Variants in SLC2A9 observed in about 807,000 individuals in gnomAD.
SLC2A9 encodes solute carrier family 2, facilitated glucose transporter member 9.
In SLC2A9, 39 loss-of-function variants were observed where a neutral mutation model predicts 50.6. The observed-to-expected ratio is 0.77, with a 90% CI of 0.60 to 1.01. The LOEUF is 1.01. SLC2A9 is among the 50% of genes least tolerant of loss of function. The pLI, the probability that SLC2A9 is intolerant of heterozygous loss-of-function variation, is 0.00. For synonymous variants in SLC2A9, 324 were observed against 276.9 expected, an observed-to-expected ratio of 1.17 and a Z score of -1.69; for missense variants, 686 against 677.6, an observed-to-expected ratio of 1.01 and a Z score of -0.14.
chr4:9,822,194 G>C (rs1027262004), downstream of SLC2A9, among the ~76,000 whole-genome samples: 11 of 151,996 alleles, frequency 7.2e-5, no homozygotes, highest in Non-Finnish European at 1.3e-4. Flanking sequence ...CTGGATAGAG[G>C]TTTATCAATT....
At position 9,836,088 on chromosome 4, in the gene SLC2A9, C is replaced by CAAAAAA. The variant is rs35303241; in HGVS notation, c.1292-1086_1292-1081dup. Among the ~76,000 whole-genome samples the CAAAAAA allele has an allele frequency of 9.8e-4, 47 of 48,160 alleles. 1 individual carries two copies. The highest frequency in any genetic ancestry group is 1.3e-3 in the South Asian group (1 of 746). 31.6% of individuals were successfully genotyped at this position (48,160 alleles called of 152,430 possible). On this transcript the variant is annotated intron_variant, in intron 10 of 11. Coordinates refer to ENST00000264784, the MANE Select transcript of SLC2A9 (RefSeq NM_020041.3). Reference sequence around the variant, plus strand: ...GGGCAACAAGAGTGAAACTCCCTCTCAAAAAAAAAAAAAAAAAAAAAAAGA... The same window carrying CAAAAAA: ...GGGCAACAAGAGTGAAACTCCCTCTCAAAAAAAAAAAAAAAAAAAAAAAAAAAAAGA...
downstream of SLC2A9, among the ~76,000 whole-genome samples, chr4:9,825,192 C>A (rs531633698): frequency 6.6e-6 from 1 of 152,264 alleles, no homozygotes; most frequent in African/African-American, 2.4e-5. Context: ...ATTTTAGAAG[C>A]AAGTATAGGA....
chr4:9,778,045 TTTCTTTCTTTCCTTCCTTCCTTCC>T (rs1717800011), downstream of SLC2A9, among the ~76,000 whole-genome samples: 1 of 21,894 alleles, frequency 4.6e-5, no homozygotes, highest in Admixed American at 3.6e-4. Flanking sequence ...ATTTTCTTTC[TTTCTTTCTTTCCTTCCTTCCTTCC>T]TTCCTTCCTT....
At chr4:9,784,943 T>C (rs1356141319) in intron 3 of SLC2A9, among the ~76,000 whole-genome samples, 1 of 152,244 alleles carries the variant, frequency 6.6e-6, no homozygotes, top group East Asian at 1.9e-4. Flanking sequence ...ACATAGTGCT[T>C]AATAAATATT....
chr4:9,779,270 T>G (rs1441115278), downstream of SLC2A9, among the ~76,000 whole-genome samples: 1 of 152,176 alleles, frequency 6.6e-6, no homozygotes, highest in East Asian at 1.9e-4. Context: ...CCAGAAAGCC[T>G]TCCCTAAACA....
intron 1 of SLC2A9, among the ~76,000 whole-genome samples, chr4:10,020,734 C>T (rs545473040): frequency 6.6e-6 from 1 of 152,320 alleles, no homozygotes; most frequent in East Asian, 1.9e-4. Context: ...GCCCCGATGA[C>T]CTTAGAGGAC....
At chr4:9,915,221 T>C (rs1443612328) in intron 7 of SLC2A9, among the ~76,000 whole-genome samples, 1 of 152,246 alleles carries the variant, frequency 6.6e-6, no homozygotes, top group Non-Finnish European at 1.5e-5. Flanking sequence ...GAGCACCACC[T>C]ATGTGAATGA....
chr4:9,812,636 CGTAG>C (rs1429737027), intron 3 of SLC2A9, among the ~76,000 whole-genome samples: 2 of 151,988 alleles, frequency 1.3e-5, no homozygotes, highest in Non-Finnish European at 2.9e-5. Context: ...TTGCCAAATG[CGTAG>C]GTAGCTGAGA....
chr4:9,916,985 T>C (rs1742966232), intron 7 of SLC2A9, among the ~76,000 whole-genome samples: 1 of 152,132 alleles, frequency 6.6e-6, no homozygotes, highest in Non-Finnish European at 1.5e-5. Flanking sequence ...GACCCACTAA[T>C]AGCTCTCTCC....
At chr4:9,839,553 T>C (rs1452615549) in intron 10 of SLC2A9, among the ~76,000 whole-genome samples, 1 of 151,896 alleles carries the variant, frequency 6.6e-6, no homozygotes, top group East Asian at 1.9e-4. Context: ...TTATTCACAA[T>C]AGGAAAGACA....
At chr4:9,775,667 T>G (rs1717457069), downstream of SLC2A9, among the ~76,000 whole-genome samples, 1 of 152,138 alleles carries the variant, frequency 6.6e-6, no homozygotes, top group Non-Finnish European at 1.5e-5. Context: ...TGCTTGTTCC[T>G]GTTTTGGCCA....
chr4:9,941,585 T>C (rs1748136461), intron 6 of SLC2A9, among the ~76,000 whole-genome samples: 1 of 152,150 alleles, frequency 6.6e-6, no homozygotes, highest in South Asian at 2.1e-4. Flanking sequence ...AAATTTCAGA[T>C]GGCTTCATCT....
chr4:9,994,892 C>A (rs773773786), intron 3 of SLC2A9, among the ~76,000 whole-genome samples: 2 of 152,134 alleles, frequency 1.3e-5, no homozygotes, highest in Non-Finnish European at 2.9e-5. Context: ...CTAGGACAAG[C>A]AAGAGGACCA....
chr4:9,894,767 T>C (rs1349217202), intron 8 of SLC2A9, among the ~76,000 whole-genome samples: 2 of 152,204 alleles, frequency 1.3e-5, no homozygotes, highest in Non-Finnish European at 2.9e-5. Flanking sequence ...TCTCCTAAGC[T>C]TCTTAGGGGA....
rs1308352567 is a variant in SLC2A9 at position 9,922,231 on chromosome 4, C to T, written c.815-1659G>A. On this transcript the variant is annotated intron_variant, in intron 6 of 11. Coordinates refer to ENST00000264784, the MANE Select transcript of SLC2A9 (RefSeq NM_020041.3). ...ACTAACGCCGGAACAGAAAACCGAA[C>T]ACCACATGTTCTCACTTATAAGTGG... Among the ~76,000 whole-genome samples the T allele has an allele frequency of 3.3e-5, 5 of 152,058 alleles. 1 individual carries two copies. Among genetic ancestry groups the T allele is most frequent in the South Asian group, 4.1e-4 (2 of 4,824 alleles).
chr4:9,973,612 C>CA (rs1276335951), intron 5 of SLC2A9, among the ~76,000 whole-genome samples: 22 of 147,786 alleles, frequency 1.5e-4, no homozygotes, highest in South Asian at 8.5e-4. Context: ...ATCGCAAGGA[C>CA]AAAAAACCAA....
At chr4:9,891,446 A>C (rs1737415930) in intron 8 of SLC2A9, among the ~76,000 whole-genome samples, 1 of 152,206 alleles carries the variant, frequency 6.6e-6, no homozygotes, top group African/African-American at 2.4e-5. Context: ...TTGGCATGTC[A>C]CTTCACTTCC....
At chr4:9,820,607 T>G (rs1560150579) in intron 3 of SLC2A9, among the ~76,000 whole-genome samples, 1 of 152,226 alleles carries the variant, frequency 6.6e-6, no homozygotes, top group Non-Finnish European at 1.5e-5. Context: ...TTCTTTGACT[T>G]ATTTCATCAG....
intron 1 of SLC2A9, chr4:10,035,505 C>T (rs1241604984): frequency 1.3e-5 from 2 of 152,232 alleles, no homozygotes; most frequent in African/African-American, 2.4e-5. Context: ...GGAATAAGGG[C>T]AATGAACCCC....
Sources: allele counts gnomAD v4.1 joint callset (sites outside exome capture counted in the v4.1 genomes callset), GRCh38; gene constraint gnomAD v4.1.1; transcripts MANE v1.5; gene names NCBI Gene and HGNC (gene_info 2026-07-23, HGNC 2026-07-21).